Variants in GANAB observed in about 807,000 individuals in gnomAD.
GANAB encodes glucosidase II alpha subunit.
A neutral mutation model predicts 129.9 loss-of-function variants in GANAB; 35 were observed. The observed-to-expected ratio is 0.27, with a 90% CI of 0.21 to 0.36. The LOEUF (loss-of-function observed/expected upper bound fraction) is 0.36, where lower values mean the gene tolerates loss of function less well. GANAB is among the 10% of genes least tolerant of loss of function. The pLI is 1.00. For missense variants in GANAB, 939 were observed against 1,221.0 expected (o/e 0.77, Z 3.44); for synonymous variants, 482 against 451.8 (o/e 1.07, Z -0.85).
Position 62,626,622 on chromosome 11 carries a change from T to G in GANAB, c.2460A>C (p.Ser820=). The G allele has an allele frequency of 6.2e-7, 1 of 1,612,814 alleles. No homozygotes were observed. Among genetic ancestry groups the G allele is most frequent in the South Asian group, 1.1e-5 (1 of 90,892 alleles). Residue 820 remains serine (S), a synonymous_variant, in exon 21 of 24, where the codon TCA becomes TCC. Transcript: ENST00000356638. ...VPRWMRVRRS[S]ECMKDDPITL... ...TGATGGGGTCATCCTTCATACATTC[T>G]GAAGACCGCCGCACTCGCATCCATC...
intron 1 of GANAB, among the ~76,000 whole-genome samples, chr11:62,641,243 C>G (rs1414448900): frequency 6.7e-6 from 1 of 149,948 alleles, no homozygotes; most frequent in Non-Finnish European, 1.5e-5. Flanking sequence ...ACTCGGGAGG[C>G]TGAGGCATGA....
intron 1 of GANAB, among the ~76,000 whole-genome samples, chr11:62,643,462 ACCCCGTC>A (rs1017813956): frequency 4.6e-5 from 7 of 151,634 alleles, no homozygotes; most frequent in African/African-American, 1.5e-4. Flanking sequence ...ACATGATGAA[ACCCCGTC>A]TCTACTAAAA....
chr11:62,625,899 G>A lies in GANAB; in HGVS notation c.2751C>T (p.Phe917=). ...TKGSPESRLS[F]QHDPETSVLV... ...ACACAGAGGTCTCAGGGTCATGCTG[G>A]AAGGACAGGCGGCTTTCTGGAGATC... Residue 917 remains phenylalanine (F), a synonymous_variant, in exon 24 of 24, where the codon TTC becomes TTT. Coordinates refer to ENST00000356638, the MANE Select transcript of GANAB (RefSeq NM_198334.3). 1 of 1,613,480 alleles carries A rather than the reference G, an allele frequency of 6.2e-7. No individual in the cohort carries two copies. Among genetic ancestry groups the A allele is most frequent in the East Asian group, 2.2e-5 (1 of 44,886 alleles).
chr11:62,629,313 T>C lies in GANAB; in HGVS notation c.1835-18A>G, dbSNP rs1305987250. On this transcript the variant is annotated intron_variant, in intron 15 of 23. Coordinates refer to ENST00000356638, the MANE Select transcript of GANAB (RefSeq NM_198334.3). ...CACGGCTCCTGAGGAAGACAAGAAG[T>C]GGGGAGCTTGCACATGGTAAAGGAG... The C allele has an allele frequency of 6.5e-7, 1 of 1,541,704 alleles. No homozygotes were observed. Among genetic ancestry groups the C allele is most frequent in the African/African-American group, 1.4e-5 (1 of 73,422 alleles).
At chr11:62,628,198 C>T (rs1183226538) in intron 17 of GANAB, among the ~76,000 whole-genome samples, 1 of 139,530 alleles carries the variant, frequency 7.2e-6, no homozygotes, top group Non-Finnish European at 1.5e-5. Flanking sequence ...CAGCCTTCTT[C>T]TCAAAACTTT....
rs1407037985 is a variant in GANAB, at chr11:62,627,102, A to G, written c.2268T>C (p.Pro756=). 6.2e-7 allele frequency: 1 copy of G among 1,613,858 alleles called. No individual in the cohort carries two copies. Among genetic ancestry groups the G allele is most frequent in the South Asian group, 1.1e-5 (1 of 91,070 alleles). ...YLLGDALLVH[P]VSDSGAHGVQ... is the part of the protein sequence containing the mutation. Reference sequence around the variant, plus strand: ...CACCATGGGCTCCAGAGTCTGATACAGGGTGAACCAGCAACGCATCCCCTA... The same window carrying G: ...CACCATGGGCTCCAGAGTCTGATACGGGGTGAACCAGCAACGCATCCCCTA... Residue 756 remains proline, a synonymous_variant, in exon 19 of 24, where the codon CCT becomes CCC. Transcript: ENST00000356638.
chr11:62,645,757 G>A (rs894490585), intron 1 of GANAB, among the ~76,000 whole-genome samples: 1 of 152,164 alleles, frequency 6.6e-6, no homozygotes, highest in African/African-American at 2.4e-5. Flanking sequence ...AGGGCAAGTT[G>A]CACGCATTTA....
chr11:62,634,013 AC>A (rs1055726373), intron 5 of GANAB: 4 of 410,202 alleles, frequency 9.8e-6, no homozygotes, highest in African/African-American at 2.0e-5. Flanking sequence ...TCTGCCCAGA[AC>A]CTCAGGTGCC....
chr11:62,627,565 C>T (rs1157885208), intron 17 of GANAB, among the ~76,000 whole-genome samples: 1 of 152,004 alleles, frequency 6.6e-6, no homozygotes, highest in Non-Finnish European at 1.5e-5. Flanking sequence ...AACCCCGTCT[C>T]TACTAAAAAT....
chr11:62,634,961 T>A lies in GANAB; in HGVS notation c.420A>T (p.Leu140Phe), dbSNP rs1310428388. Residue 140 changes from leucine to phenylalanine, a missense_variant, in exon 5 of 24, where the codon TTA (leucine) becomes TTT (phenylalanine). By Grantham distance (22) the Leu-to-Phe change is conservative. Around this residue, in one of 5 missense-constraint regions of GANAB, gnomAD observed 321 missense variants for 329.1 expected, o/e 0.98. Transcript: ENST00000356638. ...TCTTGTAGGGTCCCTCAGCCATGGT[T>A]AACTCCACACTGTTCTCATCACGAC... ...VSGRDENSVELTMAEGPYKII... is the reference protein window; with the variant it reads ...VSGRDENSVEFTMAEGPYKII... 4 of 1,613,878 alleles carry A rather than the reference T, an allele frequency of 2.5e-6. No individual in the cohort carries two copies. The South Asian group carries it at 3.3e-5, about 13-fold the overall frequency.
chr11:62,629,493 T>C (rs1943558849), intron 15 of GANAB, 95 bp downstream of exon 15: 1 of 881,066 alleles, frequency 1.1e-6, no homozygotes, highest in Admixed American at 2.2e-5. Flanking sequence ...ATGCAGTGTG[T>C]GGCTCCCATT....
At chr11:62,627,014 C>G in intron 19 of GANAB, 34 bp downstream of exon 19, 1 of 1,597,808 alleles carries the variant, frequency 6.3e-7, no homozygotes, top group Non-Finnish European at 8.6e-7. Context: ...TTGGCTTCCA[C>G]CATCTTTCCC....
chr11:62,641,729 G>A (rs987211151), intron 1 of GANAB, among the ~76,000 whole-genome samples: 17 of 151,348 alleles, frequency 1.1e-4, no homozygotes, highest in Admixed American at 2.6e-4. Context: ...ACAGGAGCAC[G>A]CCACCATGCC....
Position 62,626,672 on chromosome 11 carries a change from G to A in GANAB, c.2410C>T (p.Gln804Ter). Reference protein sequence around the residue: ...PVTLSSIPVFQRGGTIVPRWM... With the variant: ...PVTLSSIPVF ...CGAGGCACGATTGTCCCTCCACGCTGGAACACAGGGATCTAGGGCAAGAGC... is the reference window on the plus strand; with the variant it reads ...CGAGGCACGATTGTCCCTCCACGCTAGAACACAGGGATCTAGGGCAAGAGC... Residue 804 changes from glutamine to a stop codon, truncating the protein, a stop_gained, in exon 21 of 24, where the codon CAG (glutamine) becomes TAG (stop). Transcript: ENST00000356638. LOFTEE classifies it high-confidence loss of function. 1 of 1,601,188 alleles carries A rather than the reference G, an allele frequency of 6.2e-7. No homozygotes were observed. Among genetic ancestry groups the A allele is most frequent in the Non-Finnish European group, 8.5e-7 (1 of 1,171,580 alleles).
chr11:62,634,820 C>G lies in GANAB; in HGVS notation c.560+1G>C. On this transcript the variant is annotated splice_donor_variant, in intron 5 of 23. Transcript: ENST00000356638. LOFTEE classifies it high-confidence loss of function. Reference sequence around the variant, plus strand: ...CCTGCAGTCCCAACCCCTGTACTCACGAGACCCTAGGGGCCCTCTGATGCT... The same window carrying G: ...CCTGCAGTCCCAACCCCTGTACTCAGGAGACCCTAGGGGCCCTCTGATGCT... The G allele has an allele frequency of 6.2e-7, 1 of 1,612,372 alleles. No homozygotes were observed. Among genetic ancestry groups the G allele is most frequent in the Non-Finnish European group, 8.5e-7 (1 of 1,178,594 alleles).
At chr11:62,638,586 GGAAGGAAGGAAGGAAGGAAGGA>G (rs1944058500) in intron 4 of GANAB, among the ~76,000 whole-genome samples, 1 of 7,518 alleles carries the variant, frequency 1.3e-4, no homozygotes, top group Non-Finnish European at 1.8e-4. Flanking sequence ...AAAGGAGGAA[GGAAGGAAGGAAGGAAGGAAGGA>G]AGGAAGGAAG....
chr11:62,641,770 G>C (rs915447504), intron 1 of GANAB, among the ~76,000 whole-genome samples: 1 of 152,012 alleles, frequency 6.6e-6, no homozygotes, highest in Non-Finnish European at 1.5e-5. Context: ...GGTAGAGACG[G>C]AGTTTCACCA....
At chr11:62,645,689 C>A (rs1275402799) in intron 1 of GANAB, among the ~76,000 whole-genome samples, 1 of 152,160 alleles carries the variant, frequency 6.6e-6, no homozygotes, top group East Asian at 1.9e-4. Context: ...AAGGAATTCA[C>A]GGCGGCCTTG....
chr11:62,638,923 A>T (rs1590818567), intron 4 of GANAB, 60 bp downstream of exon 4: 3 of 1,575,174 alleles, frequency 1.9e-6, no homozygotes, highest in East Asian at 4.5e-5. Flanking sequence ...CAACCAAAAA[A>T]AGGTTCATCA....
Sources: allele counts gnomAD v4.1 joint callset (sites outside exome capture counted in the v4.1 genomes callset), GRCh38; gene constraint gnomAD v4.1.1; regional missense constraint gnomAD v4.1.1; transcripts MANE v1.5; gene names NCBI Gene and HGNC (gene_info 2026-07-23, HGNC 2026-07-21).